GRM5: variants seen among roughly 807,000 people sequenced by gnomAD.
The protein encoded by GRM5 is metabotropic glutamate receptor 5.
In GRM5, 19 loss-of-function variants were observed where a neutral mutation model predicts 83.1. The observed-to-expected ratio is 0.23, with a 90% confidence interval of 0.16 to 0.34. GRM5 has a LOEUF of 0.34. GRM5 is among the 10% of genes least tolerant of loss of function. GRM5 has a pLI of 1.00. For missense variants in GRM5, 1,160 were observed against 1,588.3 expected (o/e 0.73, Z 4.58); for synonymous variants, 675 against 633.6 (o/e 1.07, Z -0.98).
chr11:88,750,704 A>G (rs1297802370), intron 3 of GRM5, among the ~76,000 whole-genome samples: 1 of 152,178 alleles, frequency 6.6e-6, no homozygotes, highest in Non-Finnish European at 1.5e-5. Context: ...TGAATGCAAA[A>G]GAACTTAAAT....
chr11:88,638,167 A>AG (rs1238335067), intron 4 of GRM5, among the ~76,000 whole-genome samples: 2 of 72,314 alleles, frequency 2.8e-5, no homozygotes, highest in Admixed American at 2.1e-4. Context: ...GGGTGGGGGG[A>AG]GGGGGGAGGG....
chr11:88,703,335 C>T (rs1941078970), intron 3 of GRM5, among the ~76,000 whole-genome samples: 1 of 152,020 alleles, frequency 6.6e-6, no homozygotes, highest in African/African-American at 2.4e-5. Context: ...ATAATAATTG[C>T]AATCTTTTGC....
intron 4 of GRM5, among the ~76,000 whole-genome samples, chr11:88,645,892 G>A (rs1006648993): frequency 9.9e-5 from 15 of 152,092 alleles, no homozygotes; most frequent in African/African-American, 3.4e-4. Context: ...GCGGATGGAA[G>A]AGGTGGGGAC....
At chr11:88,743,602 A>C (rs1942072572) in intron 3 of GRM5, among the ~76,000 whole-genome samples, 1 of 152,144 alleles carries the variant, frequency 6.6e-6, no homozygotes, top group Admixed American at 6.6e-5. Flanking sequence ...CACAGGCTGA[A>C]TGGGCTTGCA....
At chr11:88,724,349 C>G (rs1027828183) in intron 3 of GRM5, among the ~76,000 whole-genome samples, 1 of 152,172 alleles carries the variant, frequency 6.6e-6, no homozygotes, top group African/African-American at 2.4e-5. Context: ...GTCCCTGCCA[C>G]TCTGCTTACA....
At chr11:88,780,569 G>T (rs1353112150) in intron 3 of GRM5, among the ~76,000 whole-genome samples, 2 of 152,114 alleles carry the variant, frequency 1.3e-5, no homozygotes, top group African/African-American at 4.8e-5. Flanking sequence ...AGTAAATCAG[G>T]TAATATTCAG....
chr11:89,015,743 A>G (rs1301507749), intron 2 of GRM5, among the ~76,000 whole-genome samples: 1 of 152,220 alleles, frequency 6.6e-6, no homozygotes, highest in South Asian at 2.1e-4. Context: ...TCCCAAATGG[A>G]TAAGAGTTAT....
chr11:88,515,687 G>A (rs1028926894), intron 9 of GRM5, among the ~76,000 whole-genome samples: 1 of 152,152 alleles, frequency 6.6e-6, no homozygotes, highest in African/African-American at 2.4e-5. Context: ...TTTTAACAGC[G>A]ATTAGCAAGA....
chr11:88,977,714 A>G (rs1939385923), intron 2 of GRM5, among the ~76,000 whole-genome samples: 3 of 152,356 alleles, frequency 2.0e-5, no homozygotes, highest in African/African-American at 7.2e-5. Flanking sequence ...TTTTAATTCA[A>G]GATTTCATAT....
At chr11:88,840,279 ACT>A (rs1377345685) in intron 3 of GRM5, among the ~76,000 whole-genome samples, 1 of 152,190 alleles carries the variant, frequency 6.6e-6, no homozygotes, top group African/African-American at 2.4e-5. Flanking sequence ...GTCTTGAATA[ACT>A]GAAACCCTCC....
intron 2 of GRM5, among the ~76,000 whole-genome samples, chr11:88,874,996 G>T (rs1289166332): frequency 6.6e-6 from 1 of 151,684 alleles, no homozygotes; most frequent in Non-Finnish European, 1.5e-5. Context: ...GATGGCTACT[G>T]ATTGATCAGG....
chr11:88,765,483 G>T (rs1349213029), intron 3 of GRM5, among the ~76,000 whole-genome samples: 1 of 150,820 alleles, frequency 6.6e-6, no homozygotes, highest in African/African-American at 2.4e-5. Context: ...GTAACAGTGT[G>T]GTTTTAGCAT....
At chr11:88,583,255 C>T (rs950086408) in intron 7 of GRM5, among the ~76,000 whole-genome samples, 1 of 152,146 alleles carries the variant, frequency 6.6e-6, no homozygotes, top group Non-Finnish European at 1.5e-5. Context: ...ATCCTCTGCT[C>T]CCTCCTTGAT....
chr11:88,861,070 A>G (rs10741531), intron 2 of GRM5, among the ~76,000 whole-genome samples: 67,261 of 151,650 alleles, frequency 0.44, 15,173 homozygotes, highest in East Asian at 0.57. Flanking sequence ...TATTAAATTT[A>G]ATATCATTTA....
intron 3 of GRM5, among the ~76,000 whole-genome samples, chr11:88,724,239 T>G (rs1433665280): frequency 1.3e-5 from 2 of 152,174 alleles, no homozygotes; most frequent in East Asian, 1.9e-4. Context: ...CCATCCCTGA[T>G]AGTGGAAAGG....
At chr11:88,674,765 C>T (rs1940281432) in intron 3 of GRM5, among the ~76,000 whole-genome samples, 1 of 151,848 alleles carries the variant, frequency 6.6e-6, no homozygotes, top group South Asian at 2.1e-4. Context: ...ACCTTATTAT[C>T]TCTCACTTGA....
chr11:88,685,611 C>T (rs1294493751), intron 3 of GRM5, among the ~76,000 whole-genome samples: 1 of 152,136 alleles, frequency 6.6e-6, no homozygotes, highest in Non-Finnish European at 1.5e-5. Flanking sequence ...CCCAGGAGGC[C>T]TAGGAAAAAG....
At chr11:88,610,257 T>C (rs1385617598) in intron 4 of GRM5, among the ~76,000 whole-genome samples, 3 of 152,162 alleles carry the variant, frequency 2.0e-5, no homozygotes, top group Non-Finnish European at 4.4e-5. Context: ...CTGTGAAAAA[T>C]GAAATTGGTA....
At chr11:88,680,441 T>C (rs1026708865) in intron 3 of GRM5, among the ~76,000 whole-genome samples, 1 of 152,206 alleles carries the variant, frequency 6.6e-6, no homozygotes, top group Admixed American at 6.5e-5. Flanking sequence ...TGCATAGTAT[T>C]CCATGGTGTA....
Sources: gnomAD v4.1 joint callset for allele counts (sites outside exome capture counted in the v4.1 genomes callset) on GRCh38, gnomAD v4.1.1 for gene constraint, MANE v1.5 for transcripts, NCBI Gene and HGNC (gene_info 2026-07-23, HGNC 2026-07-21) for gene names.